The following LHFPL3 variants were observed in gnomAD, a reference collection of about 807,000 sequenced individuals.
LHFPL3 encodes LHFPL tetraspan subfamily member 3 protein.
LHFPL3 carries 5 observed loss-of-function variants against 19.3 expected under a neutral mutation model. That is an observed-to-expected ratio of 0.26 (90% CI 0.14 to 0.54). LHFPL3 has a LOEUF of 0.54. LHFPL3 is among the 20% of genes least tolerant of loss of function. The pLI, the probability that LHFPL3 is intolerant of heterozygous loss-of-function variation, is 0.94. For synonymous variants in LHFPL3, 133 were observed against 126.2 expected, an observed-to-expected ratio of 1.05 and a Z score of -0.36; for missense variants, 249 against 307.4, an observed-to-expected ratio of 0.81 and a Z score of 1.42.
At chr7:104,883,614 G>A (rs1792093933) in intron 2 of LHFPL3, among the ~76,000 whole-genome samples, 1 of 152,212 alleles carries the variant, frequency 6.6e-6, no homozygotes, top group South Asian at 2.1e-4. Flanking sequence ...TTACAAGGCA[G>A]TGGCTTGTAA....
At chr7:104,544,202 C>G (rs1438073132) in intron 1 of LHFPL3, among the ~76,000 whole-genome samples, 1 of 152,012 alleles carries the variant, frequency 6.6e-6, no homozygotes, top group Non-Finnish European at 1.5e-5. Context: ...TCACTAATAA[C>G]TGGATTTTCA....
At chr7:104,812,603 C>G (rs1043993500) in intron 2 of LHFPL3, among the ~76,000 whole-genome samples, 1 of 151,502 alleles carries the variant, frequency 6.6e-6, no homozygotes, top group Non-Finnish European at 1.5e-5. Context: ...AGTTCAAGAC[C>G]AGCCTGGCCA....
At chr7:104,732,417 A>G (rs564826557) in intron 1 of LHFPL3, among the ~76,000 whole-genome samples, 1 of 152,186 alleles carries the variant, frequency 6.6e-6, no homozygotes, top group South Asian at 2.1e-4. Flanking sequence ...TTATTGGTCT[A>G]TTCAGAGATT....
chr7:104,349,248 A>G (rs1400154836), intron 1 of LHFPL3, among the ~76,000 whole-genome samples: 1 of 152,226 alleles, frequency 6.6e-6, no homozygotes, highest in Non-Finnish European at 1.5e-5. Flanking sequence ...GCAGAGCAAT[A>G]ATAAAGTGGT....
chr7:104,535,663 G>T (rs1453762900), intron 1 of LHFPL3, among the ~76,000 whole-genome samples: 1 of 152,138 alleles, frequency 6.6e-6, no homozygotes, highest in Non-Finnish European at 1.5e-5. Flanking sequence ...TGGCATATTA[G>T]AAACAAAAAA....
At chr7:104,340,823 G>T (rs1238731930) in intron 1 of LHFPL3, among the ~76,000 whole-genome samples, 2 of 152,076 alleles carry the variant, frequency 1.3e-5, no homozygotes, top group Non-Finnish European at 2.9e-5. Context: ...TTATTTGCCT[G>T]GAGTAATGAC....
At chr7:104,681,989 G>A (rs1009619300) in intron 1 of LHFPL3, among the ~76,000 whole-genome samples, 10 of 152,164 alleles carry the variant, frequency 6.6e-5, no homozygotes, top group East Asian at 5.8e-4. Context: ...GAACCATAGC[G>A]CATAGATGAT....
At chr7:104,823,003 G>C (rs146508419) in intron 2 of LHFPL3, among the ~76,000 whole-genome samples, 2 of 152,018 alleles carry the variant, frequency 1.3e-5, no homozygotes, top group African/African-American at 2.4e-5. Flanking sequence ...CTCCAGAGCC[G>C]TACGCTCTGC....
At chr7:104,726,093 T>C (rs1184042253) in intron 1 of LHFPL3, among the ~76,000 whole-genome samples, 1 of 149,604 alleles carries the variant, frequency 6.7e-6, no homozygotes, top group Non-Finnish European at 1.5e-5. Flanking sequence ...CAAGTACTTG[T>C]AATCTGTTGT....
At chr7:104,596,532 T>C (rs1790863722) in intron 1 of LHFPL3, among the ~76,000 whole-genome samples, 2 of 152,246 alleles carry the variant, frequency 1.3e-5, no homozygotes, top group Admixed American at 1.3e-4. Context: ...CCTGCATCTT[T>C]CTGGATCTTA....
chr7:104,512,013 G>A lies in LHFPL3; in HGVS notation c.445+182789G>A, dbSNP rs557449222. On this transcript the variant is annotated intron_variant, in intron 1 of 2. Transcript: ENST00000424859. ...TCTGTCACCCAGGCTGGAGTGCAGCGGTGCAATCTTGGCTCACTGCAACCT... is the reference window on the plus strand; with the variant it reads ...TCTGTCACCCAGGCTGGAGTGCAGCAGTGCAATCTTGGCTCACTGCAACCT... Among the ~76,000 whole-genome samples the A allele has an allele frequency of 2.8e-4, 41 of 147,178 alleles. No individual in the cohort carries two copies. The South Asian group carries it at 8.2e-3, about 30-fold the overall frequency.
intron 1 of LHFPL3, among the ~76,000 whole-genome samples, chr7:104,605,187 A>C (rs1382522035): frequency 6.6e-6 from 1 of 152,240 alleles, no homozygotes; most frequent in African/African-American, 2.4e-5. Context: ...TAAAGTTGTT[A>C]AACCTTTGAC....
intron 1 of LHFPL3, among the ~76,000 whole-genome samples, chr7:104,536,925 A>G (rs888260146): frequency 6.6e-6 from 1 of 152,158 alleles, no homozygotes; most frequent in African/African-American, 2.4e-5. Flanking sequence ...TCCTTCTCCT[A>G]TATTCTTTCC....
chr7:104,477,409 G>A (rs528507173), intron 1 of LHFPL3, among the ~76,000 whole-genome samples: 2 of 152,288 alleles, frequency 1.3e-5, no homozygotes, highest in Non-Finnish European at 2.9e-5. Flanking sequence ...AATGATGAGC[G>A]ACTCCAATGT....
intron 1 of LHFPL3, among the ~76,000 whole-genome samples, chr7:104,525,217 A>G (rs1367625004): frequency 1.3e-5 from 2 of 152,202 alleles, no homozygotes; most frequent in East Asian, 1.9e-4. Flanking sequence ...AAGAGAAACA[A>G]TTCCTCCACT....
At chr7:104,621,520 C>T (rs542417605) in intron 1 of LHFPL3, among the ~76,000 whole-genome samples, 15 of 152,250 alleles carry the variant, frequency 9.9e-5, no homozygotes, top group East Asian at 3.9e-4. Flanking sequence ...GGTCAGAGGA[C>T]GCCCAGGAGC....
intron 1 of LHFPL3, among the ~76,000 whole-genome samples, chr7:104,666,416 G>A (rs1046951317): frequency 1.3e-5 from 2 of 149,022 alleles, no homozygotes; most frequent in Non-Finnish European, 3.0e-5. Flanking sequence ...ATATGAGTGA[G>A]AACATGCAGT....
chr7:104,432,061 C>G (rs1171316381), intron 1 of LHFPL3, among the ~76,000 whole-genome samples: 3 of 152,178 alleles, frequency 2.0e-5, no homozygotes, highest in Non-Finnish European at 4.4e-5. Flanking sequence ...CTGTGATTTT[C>G]CAAGGCAATG....
Position 104,843,062 on chromosome 7 carries a change from G to A in LHFPL3, c.683-63125G>A, listed in dbSNP as rs149583679. ...CTTTAAAAAGCCAACCTCCCTGCCA[G>A]ACAAATGAAGCTGCCATTCCTGGCA... is the stretch of plus-strand genomic sequence containing the variant. On this transcript the variant is annotated intron_variant, in intron 2 of 2. Coordinates refer to ENST00000424859, the MANE Select transcript of LHFPL3 (RefSeq NM_199000.3). Among the ~76,000 whole-genome samples, 1,097 of 152,250 alleles carry A rather than the reference G, an allele frequency of 7.2e-3. 5 individuals are homozygous for A. Among genetic ancestry groups the A allele is most frequent in the Non-Finnish European group, 0.011 (738 of 68,020 alleles).
Sources: allele counts gnomAD v4.1 joint callset (sites outside exome capture counted in the v4.1 genomes callset), GRCh38; gene constraint gnomAD v4.1.1; transcripts MANE v1.5; gene names NCBI Gene and HGNC (gene_info 2026-07-23, HGNC 2026-07-21).